POU2F2: variants seen among roughly 807,000 people sequenced by gnomAD.
POU2F2 encodes the protein POU domain, class 2, transcription factor 2.
In POU2F2, 14 loss-of-function variants were observed where a neutral mutation model predicts 63.5. The observed-to-expected ratio is 0.22, with a 90% confidence interval of 0.15 to 0.34. The LOEUF (loss-of-function observed/expected upper bound fraction) is 0.34, where lower values mean the gene tolerates loss of function less well. Ranked by LOEUF, POU2F2 falls within the 10% of genes least tolerant of loss-of-function variation. The probability of loss-of-function intolerance (pLI) is 1.00; values close to 1 mark genes in which losing one functional copy is unlikely to be tolerated. For synonymous variants in POU2F2, 306 were observed against 348.6 expected, an observed-to-expected ratio of 0.88 and a Z score of 1.36; for missense variants, 607 against 815.2, an observed-to-expected ratio of 0.74 and a Z score of 3.11.
chr19:42,107,697 A>C (rs773949257), intron 5 of POU2F2, among the ~76,000 whole-genome samples: 1 of 152,168 alleles, frequency 6.6e-6, no homozygotes, highest in Non-Finnish European at 1.5e-5. Flanking sequence ...TTTCCCATCC[A>C]AGTTCATGGA....
intron 4 of POU2F2, among the ~76,000 whole-genome samples, chr19:42,118,323 G>A (rs2032179910): frequency 6.6e-6 from 1 of 152,228 alleles, no homozygotes; most frequent in Non-Finnish European, 1.5e-5. Context: ...GGGCTACAAA[G>A]TCAGATGCTT....
intron 1 of POU2F2, among the ~76,000 whole-genome samples, chr19:42,163,028 G>A (rs1168727870): frequency 6.6e-6 from 1 of 152,174 alleles, no homozygotes; most frequent in Non-Finnish European, 1.5e-5. Flanking sequence ...TGGAGGCTCA[G>A]ACAGGTAAAG....
At chr19:42,146,032 C>CAAAAAAAAAAAAAA (rs1004458482) in intron 2 of POU2F2, among the ~76,000 whole-genome samples, 1 of 49,770 alleles carries the variant, frequency 2.0e-5, no homozygotes, top group Non-Finnish European at 4.4e-5. Context: ...GACTCCGTCT[C>CAAAAAAAAAAAAAA]AAAAAAAAAA....
chr19:42,167,340 G>C (rs776829132), intron 1 of POU2F2, among the ~76,000 whole-genome samples: 1 of 151,994 alleles, frequency 6.6e-6, no homozygotes, highest in Non-Finnish European at 1.5e-5. Context: ...TGTAGTCCCA[G>C]CTACTCAAGA....
intron 2 of POU2F2, among the ~76,000 whole-genome samples, chr19:42,137,600 T>A (rs2034042459): frequency 6.6e-6 from 1 of 151,680 alleles, no homozygotes; most frequent in Non-Finnish European, 1.5e-5. Flanking sequence ...GTGGTGTGCG[T>A]CTGTAGTCCC....
At position 42,086,130 on chromosome 19, in the gene POU2F2, T is replaced by C. The variant is rs2076541553; in HGVS notation, c.*5127A>G. The C allele has an allele frequency of 6.6e-6, 1 of 152,160 alleles. No individual in the cohort carries two copies. Among genetic ancestry groups the C allele is most frequent in the Non-Finnish European group, 1.5e-5 (1 of 68,040 alleles). 9.4% of individuals were successfully genotyped at this position (152,160 alleles called of 1,614,324 possible). A position where few individuals can be genotyped will look rare whatever the true frequency, so the allele number is the denominator to read the frequency against. ...AGGCATCATTTCTCTCTGTACAGTT[T>C]TTAATTTTTTATTTTTTGATGTTTG... On this transcript the variant is annotated 3_prime_UTR_variant, in exon 15 of 15. Coordinates refer to ENST00000692977, the MANE Select transcript of POU2F2 (RefSeq NM_001394376.1).
rs1208603742 is a variant in POU2F2, at chr19:42,086,226, AG to A, written c.*5030del. ...AAAGAAGCACATTGTACAATGAACAAGCAGATTGGAGTTAAGAACACTGAAA... is the reference window on the plus strand; with the variant it reads ...AAAGAAGCACATTGTACAATGAACAACAGATTGGAGTTAAGAACACTGAAA... On this transcript the variant is annotated 3_prime_UTR_variant, in exon 15 of 15. Coordinates refer to ENST00000692977, the MANE Select transcript of POU2F2 (RefSeq NM_001394376.1). The A allele has an allele frequency of 6.6e-6, 1 of 152,220 alleles. No individual in the cohort carries two copies. The highest frequency in any genetic ancestry group is 2.4e-5 in the African/African-American group (1 of 41,446). The allele number at this position is 152,220 out of a possible 1,614,324, so 9.4% of individuals were successfully genotyped here. A position where few individuals can be genotyped will look rare whatever the true frequency, so the allele number is the denominator to read the frequency against.
intron 1 of POU2F2, among the ~76,000 whole-genome samples, chr19:42,161,592 G>C (rs746390861): frequency 2.0e-5 from 3 of 151,790 alleles, no homozygotes; most frequent in Non-Finnish European, 4.4e-5. Context: ...GGGGGAGAGA[G>C]AAAGAGAAGA....
chr19:42,105,915 C>A (rs1334578799), intron 5 of POU2F2, among the ~76,000 whole-genome samples: 2 of 150,676 alleles, frequency 1.3e-5, no homozygotes, highest in African/African-American at 4.9e-5. Context: ...GCCCTGAATT[C>A]TTCAGCATCT....
chr19:42,105,923 T>A (rs569044903), intron 5 of POU2F2, among the ~76,000 whole-genome samples: 1 of 150,206 alleles, frequency 6.7e-6, no homozygotes, highest in Admixed American at 6.6e-5. Context: ...TTCTTCAGCA[T>A]CTGAAAAAAA....
At chr19:42,197,239 GGTAAATCACC>G (rs1231851557), upstream of POU2F2, among the ~76,000 whole-genome samples, 1 of 152,132 alleles carries the variant, frequency 6.6e-6, no homozygotes, top group East Asian at 1.9e-4. Flanking sequence ...CCACCACTCA[GGTAAATCACC>G]TGCCCTCTCT....
intron 7 of POU2F2, among the ~76,000 whole-genome samples, chr19:42,098,729 C>T (rs578043438): frequency 6.6e-6 from 1 of 152,272 alleles, no homozygotes; most frequent in South Asian, 2.1e-4. Flanking sequence ...TCAGTCAGTC[C>T]TTCTGAAATA....
rs1402704170 is a variant in POU2F2 at position 42,094,015 on chromosome 19, G to A, written c.1198-120C>T. The A allele has an allele frequency of 6.6e-6, 5 of 757,098 alleles. 1 individual carries two copies. Among genetic ancestry groups the A allele is most frequent in the Admixed American group, 4.9e-5 (2 of 40,698 alleles). The allele number at this position is 757,098 out of a possible 1,614,324, so 46.9% of individuals were successfully genotyped here. On this transcript the variant is annotated intron_variant, in intron 11 of 14. Coordinates refer to ENST00000692977, the MANE Select transcript of POU2F2 (RefSeq NM_001394376.1). ...GGGCAGGGGGCTTTGGCACAATGCT[G>A]CATTTGTATTATTCCACATGCTTTC...
At position 42,163,771 on chromosome 19, in the gene POU2F2, T is replaced by C. The variant is rs184024173; in HGVS notation, c.-69-3379A>G. ...ATTTGTAAACTGGGGATAATTATAATAGGGGAAATCAAAAACCAACCTAGA... is the reference window on the plus strand; with the variant it reads ...ATTTGTAAACTGGGGATAATTATAACAGGGGAAATCAAAAACCAACCTAGA... On this transcript the variant is annotated intron_variant, in intron 1 of 6. Transcript: ENST00000524801. Among the ~76,000 whole-genome samples the C allele has an allele frequency of 3.7e-4, 57 of 152,150 alleles. No individual in the cohort carries two copies. In the East Asian group the frequency reaches 0.011, roughly 29 times the overall value.
chr19:42,122,309 T>TGCC, intron 3 of POU2F2, 35 bp downstream of exon 3: 1 of 1,464,130 alleles, frequency 6.8e-7, no homozygotes, highest in Non-Finnish European at 9.3e-7. Flanking sequence ...CCCCATTCCT[T>TGCC]CCCACCCCCT....
rs559634546 is a variant in POU2F2, at chr19:42,154,199, G to A, written c.-9+6133C>T. ...GGGTGTTAGAAACAGGAAAAAAAGG[G>A]GGGGACAGGGAGGGGGAGCGAGAGA... is the stretch of plus-strand genomic sequence containing the variant. On this transcript the variant is annotated intron_variant, in intron 2 of 6. Transcript: ENST00000524801. Among the ~76,000 whole-genome samples the A allele has an allele frequency of 2.6e-3, 400 of 152,120 alleles. 9 individuals carry two copies. Among genetic ancestry groups the A allele is most frequent in the Admixed American group, 0.02 (310 of 15,288 alleles).
At chr19:42,114,499 A>G (rs1265623544) in intron 5 of POU2F2, among the ~76,000 whole-genome samples, 2 of 152,054 alleles carry the variant, frequency 1.3e-5, no homozygotes, top group African/African-American at 4.8e-5. Flanking sequence ...CCCAGTGAAG[A>G]GCCCCAAGCC....
At chr19:42,101,941 CACT>C (rs2077158655) in intron 5 of POU2F2, among the ~76,000 whole-genome samples, 1 of 150,582 alleles carries the variant, frequency 6.6e-6, no homozygotes, top group Non-Finnish European at 1.5e-5. Flanking sequence ...TGCGCCACTG[CACT>C]CCAGCTCGGG....
At chr19:42,182,827 C>A (rs1201648673) in intron 1 of POU2F2, among the ~76,000 whole-genome samples, 1 of 152,080 alleles carries the variant, frequency 6.6e-6, no homozygotes, top group East Asian at 1.9e-4. Context: ...AGTGGAGAGA[C>A]TTGCAGGCTC....
Sources: allele counts gnomAD v4.1 joint callset (sites outside exome capture counted in the v4.1 genomes callset), GRCh38; gene constraint gnomAD v4.1.1; transcripts MANE v1.5; gene names NCBI Gene and HGNC (gene_info 2026-07-23, HGNC 2026-07-21).